RASGRF1: variants seen among roughly 807,000 people sequenced by gnomAD.
RASGRF1 encodes ras-specific guanine nucleotide-releasing factor 1.
Under a neutral mutation model 138.7 loss-of-function variants are expected in RASGRF1, and 40 were observed. The ratio of observed to expected loss-of-function variants is 0.29; its 90% CI spans 0.22 to 0.38. The LOEUF (loss-of-function observed/expected upper bound fraction) is 0.38. Among genes scored for constraint, RASGRF1 ranks in the 10% least tolerant of loss-of-function variants. The pLI is 1.00. For missense variants in RASGRF1, 1,108 were observed against 1,650.4 expected, an observed-to-expected ratio of 0.67 and a Z score of 5.69; for synonymous variants, 614 against 663.2, an observed-to-expected ratio of 0.93 and a Z score of 1.14.
At chr15:79,001,218 T>C (rs897041698) in intron 16 of RASGRF1, among the ~76,000 whole-genome samples, 3 of 152,214 alleles carry the variant, frequency 2.0e-5, no homozygotes, top group African/African-American at 7.2e-5. Flanking sequence ...GTGCAGAGCC[T>C]GGCACTCAGT....
intron 14 of RASGRF1, 114 bp from the exon 15 acceptor site, chr15:79,004,289 A>C (rs1162784194): frequency 5.3e-6 from 7 of 1,331,322 alleles, no homozygotes; most frequent in Non-Finnish European, 7.1e-6. Context: ...CATCATTCTT[A>C]GGATCCCTGA....
chr15:78,979,080 G>GCGGA (rs1452508136), intron 24 of RASGRF1: 5 of 1,290,232 alleles, frequency 3.9e-6, no homozygotes, highest in South Asian at 3.7e-5. Context: ...TGCCCCGGGG[G>GCGGA]CGGACGGACG....
At position 78,998,581 on chromosome 15, in the gene RASGRF1, T is replaced by C. The variant is rs4778773; in HGVS notation, c.2853+138A>G. The C allele has an allele frequency of 0.13, 91,044 of 726,426 alleles. 6,352 individuals are homozygous for C. The highest frequency in any genetic ancestry group is 0.16 in the Admixed American group (7,607 of 48,534). 45.0% of individuals were successfully genotyped at this position (726,426 alleles called of 1,614,324 possible). Reference sequence around the variant, plus strand: ...CCTCCGGGAACATCAGGGTGGCACATTTGAGCTCCCTCCCTTCTGCTGCCC... The same window carrying C: ...CCTCCGGGAACATCAGGGTGGCACACTTGAGCTCCCTCCCTTCTGCTGCCC... On this transcript the variant is annotated intron_variant, in intron 18 of 26. Coordinates refer to ENST00000558480, the MANE Select transcript of RASGRF1 (RefSeq NM_001145648.3).
intron 1 of RASGRF1, among the ~76,000 whole-genome samples, 159 bp downstream of exon 1, chr15:79,090,064 G>A (rs113875292): frequency 9.1e-4 from 138 of 152,316 alleles, no homozygotes; most frequent in African/African-American, 3.3e-3. Context: ...CACTCGCCTG[G>A]CTGGGAGCAA....
intron 5 of RASGRF1, among the ~76,000 whole-genome samples, chr15:79,035,776 T>C (rs924822117): frequency 2.6e-5 from 4 of 152,042 alleles, no homozygotes; most frequent in Admixed American, 2.6e-4. Context: ...GAAGGTGAAA[T>C]GAGGAATCCC....
intron 15 of RASGRF1, among the ~76,000 whole-genome samples, chr15:79,002,919 C>G (rs1451948632): frequency 6.6e-6 from 1 of 152,252 alleles, no homozygotes; most frequent in African/African-American, 2.4e-5. Flanking sequence ...CTGACCAGCC[C>G]CTGGTTGCAC....
intron 3 of RASGRF1, among the ~76,000 whole-genome samples, chr15:79,055,422 G>C (rs1448823881): frequency 6.6e-6 from 1 of 152,182 alleles, no homozygotes; most frequent in African/African-American, 2.4e-5. Context: ...GAGAGACAGA[G>C]AGAGACCAAG....
chr15:79,022,274 T>C (rs1427502641), intron 10 of RASGRF1, among the ~76,000 whole-genome samples: 2 of 152,108 alleles, frequency 1.3e-5, no homozygotes, highest in Non-Finnish European at 2.9e-5. Context: ...ACCCCGTCTC[T>C]ACTAAAAATA....
intron 24 of RASGRF1, 78 bp downstream of exon 24, chr15:78,980,542 T>TG: frequency 1.7e-6 from 2 of 1,185,180 alleles, no homozygotes; most frequent in Non-Finnish European, 2.5e-6. Context: ...CTGCTCTGGC[T>TG]GGGGGCGGCA....
chr15:78,980,756 C>A (rs2278650), intron 23 of RASGRF1, 57 bp from the exon 24 acceptor site: 12 of 1,354,078 alleles, frequency 8.9e-6, no homozygotes, highest in Middle Eastern at 1.8e-4. Flanking sequence ...TCCCCGAGGC[C>A]CGGGGATCAG....
intron 23 of RASGRF1, among the ~76,000 whole-genome samples, chr15:78,983,491 C>G (rs1354968159): frequency 6.6e-6 from 1 of 152,134 alleles, no homozygotes; most frequent in Non-Finnish European, 1.5e-5. Flanking sequence ...GAGAGCAAGA[C>G]CAAGAAATGC....
intron 13 of RASGRF1, among the ~76,000 whole-genome samples, chr15:79,011,497 A>C (rs1366510847): frequency 1.3e-5 from 2 of 152,224 alleles, no homozygotes; most frequent in Non-Finnish European, 2.9e-5. Flanking sequence ...ATTAGGTCTT[A>C]AGTCAGCCAC....
At chr15:79,077,981 G>A (rs1205721261) in intron 1 of RASGRF1, among the ~76,000 whole-genome samples, 2 of 152,126 alleles carry the variant, frequency 1.3e-5, no homozygotes, top group Non-Finnish European at 1.5e-5. Context: ...CCACTCTGCT[G>A]CTCTGGTTAG....
chr15:79,085,360 G>C (rs2057965982), intron 1 of RASGRF1, among the ~76,000 whole-genome samples: 8 of 152,124 alleles, frequency 5.3e-5, no homozygotes, highest in Admixed American at 5.2e-4. Flanking sequence ...GAGGAGAGTG[G>C]GATGGGTGGC....
intron 1 of RASGRF1, among the ~76,000 whole-genome samples, chr15:79,067,560 G>A (rs1223938445): frequency 6.6e-6 from 1 of 152,190 alleles, no homozygotes; most frequent in Non-Finnish European, 1.5e-5. Flanking sequence ...TAAGTGCCTC[G>A]AATGACTTGA....
At chr15:79,002,331 C>A (rs892987284) in intron 15 of RASGRF1, among the ~76,000 whole-genome samples, 1 of 152,152 alleles carries the variant, frequency 6.6e-6, no homozygotes, top group Admixed American at 6.5e-5. Context: ...CTGGTCCACA[C>A]ACCCTGGGGA....
intron 17 of RASGRF1, among the ~76,000 whole-genome samples, chr15:78,999,240 A>G (rs1027906528): frequency 2.0e-5 from 3 of 152,124 alleles, no homozygotes; most frequent in Non-Finnish European, 4.4e-5. Flanking sequence ...TGTCGAGTAG[A>G]AGCTGGCCAA....
intron 17 of RASGRF1, among the ~76,000 whole-genome samples, chr15:78,999,469 G>A (rs1275249623): frequency 1.3e-5 from 2 of 152,170 alleles, no homozygotes; most frequent in Non-Finnish European, 2.9e-5. Context: ...AACCAGTGCA[G>A]AGAGGTGGGG....
chr15:78,995,629 T>C, intron 20 of RASGRF1, 111 bp downstream of exon 20: 1 of 1,340,766 alleles, frequency 7.5e-7, no homozygotes, highest in East Asian at 2.3e-5. Context: ...TGGTATTTTT[T>C]CACAACAGCC....
Sources: gnomAD v4.1 joint callset for allele counts (sites outside exome capture counted in the v4.1 genomes callset) on GRCh38, gnomAD v4.1.1 for gene constraint, MANE v1.5 for transcripts, NCBI Gene and HGNC (gene_info 2026-07-23, HGNC 2026-07-21) for gene names.